The following MYO15A variants were observed in gnomAD, a reference collection of about 807,000 sequenced individuals.
The protein encoded by MYO15A is myosin XVA, also known as unconventional myosin-XV.
Under a neutral mutation model 394.6 loss-of-function variants are expected in MYO15A, and 308 were observed. That is an observed-to-expected ratio of 0.78 (90% CI 0.71 to 0.86). The LOEUF (loss-of-function observed/expected upper bound fraction) is 0.86, where lower values mean the gene tolerates loss of function less well. Among genes scored for constraint, MYO15A ranks in the 40% least tolerant of loss-of-function variants. MYO15A has a pLI of 0.00. For missense variants in MYO15A, 4,606 were observed against 4,799.1 expected, an observed-to-expected ratio of 0.96 and a Z score of 1.19; for synonymous variants, 1,957 against 2,003.8, an observed-to-expected ratio of 0.98 and a Z score of 0.62.
At chr17:18,110,137 C>G (rs2045703919) in intron 1 of MYO15A, 1 of 152,606 alleles carries the variant, frequency 6.6e-6, no homozygotes, top group Admixed American at 6.5e-5. Context: ...CTCCCCGCAC[C>G]CCCCAGCTGC....
Position 18,143,894 on chromosome 17 carries a change from A to G in MYO15A, c.6071A>G (p.Gln2024Arg), listed in dbSNP as rs754423127. The G allele has an allele frequency of 1.9e-5, 31 of 1,591,232 alleles. No homozygotes were observed. Among genetic ancestry groups the G allele is most frequent in the Non-Finnish European group, 2.2e-5 (26 of 1,167,980 alleles). The change falls in exon 28 of 66, where the codon CAG (glutamine) becomes CGG (arginine). Residue 2024 changes from glutamine to arginine, a missense_variant. Gln to Arg is a conservative substitution (Grantham distance 43, BLOSUM62 1). Coordinates refer to ENST00000647165, the MANE Select transcript of MYO15A (RefSeq NM_016239.4). ...VAGLGLAQVP[Q>R]VAPVRTPRLQ... Reference sequence around the variant, plus strand: ...GGCCTCGGGCTGGCCCAGGTGCCTCAGGTGGCCCCTGTGAGGACTCCTCGA... The same window carrying G: ...GGCCTCGGGCTGGCCCAGGTGCCTCGGGTGGCCCCTGTGAGGACTCCTCGA...
intron 2 of MYO15A, 155 bp downstream of exon 2, chr17:18,122,564 C>A: frequency 8.6e-7 from 1 of 1,159,012 alleles, no homozygotes; most frequent in Non-Finnish European, 1.2e-6. Context: ...CAGCCTGGAC[C>A]TCCCAGAACC....
chr17:18,127,041 G>A, intron 6 of MYO15A, 34 bp from the exon 7 acceptor site: 2 of 1,613,488 alleles, frequency 1.2e-6, no homozygotes, highest in South Asian at 2.2e-5. Flanking sequence ...GGCAGCGAAA[G>A]GTTGGAGCTC....
At chr17:18,128,275 G>A (rs1260686477) in intron 7 of MYO15A, among the ~76,000 whole-genome samples, 1 of 152,164 alleles carries the variant, frequency 6.6e-6, no homozygotes, top group Admixed American at 6.5e-5. Flanking sequence ...GAGATGGCAG[G>A]GAGGTGATGG....
Position 18,132,069 on chromosome 17 carries a change from C to T in MYO15A, c.4207-384C>T, listed in dbSNP as rs938821492. 2.0e-5 allele frequency among the ~76,000 whole-genome samples: 3 copies of T among 152,206 alleles called. No individual in the cohort carries two copies. Among genetic ancestry groups the T allele is most frequent in the Non-Finnish European group, 4.4e-5 (3 of 68,040 alleles). ...GTTGTTCCCCACTATGTCCCAAGGG[C>T]CTAGGACAGGGCTTGGTGCACAGGA... On this transcript the variant is annotated intron_variant, in intron 10 of 65. Transcript: ENST00000647165. The surrounding 1 kb of genome is among the most constrained non-coding windows in gnomAD (Gnocchi z 4.6).
At chr17:18,141,515 A>T (rs2046380144) in intron 22 of MYO15A, 138 bp from the exon 23 acceptor site, 2 of 849,470 alleles carry the variant, frequency 2.4e-6, no homozygotes, top group Non-Finnish European at 4.0e-6. Context: ...GCCTTTTTTC[A>T]GATTAGAATA....
At chr17:18,158,762 GGT>G in intron 52 of MYO15A, 124 bp downstream of exon 52, 1 of 1,394,008 alleles carries the variant, frequency 7.2e-7, no homozygotes, top group Non-Finnish European at 1.0e-6. Context: ...AGACCACCCA[GGT>G]GTGAGGCTCA....
chr17:18,126,468 G>A lies in MYO15A; in HGVS notation c.3866+12G>A, dbSNP rs533500962. ...GGAGAGAATCCCCCGTGAGTGTCTC[G>A]GGGGCGCTGCCCTGGGGTCTCTTGG... is the stretch of plus-strand genomic sequence containing the variant. On this transcript the variant is annotated intron_variant, in intron 5 of 65. Coordinates refer to ENST00000647165, the MANE Select transcript of MYO15A (RefSeq NM_016239.4). 6.9e-5 allele frequency: 112 copies of A among 1,611,652 alleles called. 1 individual carries two copies. The highest frequency in any genetic ancestry group is 1.2e-4 in the Admixed American group (7 of 59,964).
At position 18,140,792 on chromosome 17, in the gene MYO15A, A is replaced by G; in HGVS notation, c.5366A>G (p.Asn1789Ser). 3 of 1,614,068 alleles carry G rather than the reference A, an allele frequency of 1.9e-6. No individual in the cohort carries two copies. Among genetic ancestry groups the G allele is most frequent in the Non-Finnish European group, 2.5e-6 (3 of 1,180,004 alleles). ...CCTCTTCCTGCCACTGCCAGGTGCA[A>G]CCCCTTGTTCATGCGTTGCCTGAAG... is the stretch of plus-strand genomic sequence containing the variant. The part of the protein sequence containing the change: ...LDLVEKMERC[N>S]PLFMRCLKPN... Residue 1789 changes from asparagine (N) to serine (S), a missense_variant, in exon 21 of 66, where the codon AAC becomes AGC. Physicochemically the swap from Asn to Ser is conservative, Grantham distance 46. Coordinates refer to ENST00000647165, the MANE Select transcript of MYO15A (RefSeq NM_016239.4).
At chr17:18,178,526 CG>C (rs887972411) in intron 65 of MYO15A, among the ~76,000 whole-genome samples, 14 of 152,206 alleles carry the variant, frequency 9.2e-5, no homozygotes, top group Non-Finnish European at 1.3e-4. Flanking sequence ...ACAGCTCACA[CG>C]GAGCAAAGCC....
In MYO15A at chr17:18,159,366, A is replaced by G. The variant is rs540808631; in HGVS notation, c.9229+19A>G. ...TTCCTAGGTGTGGGAGTGGGACTGC[A>G]GCCAGGGCTCTGGGCTAGGTGGGAT... On this transcript the variant is annotated intron_variant, in intron 54 of 65. Coordinates refer to ENST00000647165, the MANE Select transcript of MYO15A (RefSeq NM_016239.4). 1.9e-5 allele frequency: 31 copies of G among 1,613,988 alleles called. No individual in the cohort carries two copies. In the East Asian group the frequency reaches 6.7e-4, roughly 35 times the overall value.
chr17:18,133,832 A>G (rs950992130), intron 12 of MYO15A, among the ~76,000 whole-genome samples: 9 of 151,992 alleles, frequency 5.9e-5, no homozygotes, highest in Admixed American at 5.9e-4. Context: ...TAATTTTTGT[A>G]TTTTTAGTAG....
intron 54 of MYO15A, 92 bp downstream of exon 54, chr17:18,159,439 G>A (rs758453013): frequency 2.4e-5 from 37 of 1,524,250 alleles, no homozygotes; most frequent in Non-Finnish European, 3.1e-5. Flanking sequence ...CTGATCTTCA[G>A]ATTCTTTCCC....
At position 18,119,924 on chromosome 17, in the gene MYO15A, A is replaced by C; in HGVS notation, c.1124A>C (p.His375Pro). 1 of 1,613,522 alleles carries C rather than the reference A, an allele frequency of 6.2e-7. No individual in the cohort carries two copies. The change falls in exon 2 of 66, where the codon CAC becomes CCC. Residue 375 changes from histidine to proline, a missense_variant. Coordinates refer to ENST00000647165, the MANE Select transcript of MYO15A (RefSeq NM_016239.4). The part of the protein sequence containing the change: ...DVPYFDPYGV[H>P]YTVPYAEGVY... ...CCCTACTTTGATCCCTACGGAGTCC[A>C]CTACACCGTCCCCTATGCCGAAGGC...
chr17:18,136,888 G>C (rs2046288533), intron 15 of MYO15A, among the ~76,000 whole-genome samples: 1 of 152,264 alleles, frequency 6.6e-6, no homozygotes, highest in Admixed American at 6.5e-5. Context: ...CTCTGGGCCA[G>C]GCCCTGTGCT....
At chr17:18,163,413 A>G (rs777423337) in intron 59 of MYO15A, 92 bp downstream of exon 59, 65 of 1,312,990 alleles carry the variant, frequency 5.0e-5, no homozygotes, top group African/African-American at 7.2e-5. Context: ...TAAGCCCCCA[A>G]TGATGCTGAG....
intron 7 of MYO15A, among the ~76,000 whole-genome samples, chr17:18,129,437 C>T (rs1431224895): frequency 6.6e-6 from 1 of 152,206 alleles, no homozygotes; most frequent in Non-Finnish European, 1.5e-5. Flanking sequence ...CAGCCCCATC[C>T]CTCTCTGGAC....
chr17:18,156,089 G>A, intron 47 of MYO15A, 106 bp from the exon 48 acceptor site: 1 of 1,571,358 alleles, frequency 6.4e-7, no homozygotes, highest in Admixed American at 1.7e-5. Context: ...TGGGGCCAAG[G>A]TGGGGCTGGG....
intron 1 of MYO15A, chr17:18,110,180 C>CCTCA (rs1472012702): frequency 6.6e-6 from 1 of 152,546 alleles, no homozygotes; most frequent in Non-Finnish European, 1.5e-5. Context: ...TTGTCTCCAC[C>CCTCA]CTCATCCCAG....
Sources: gnomAD v4.1 joint callset for allele counts (sites outside exome capture counted in the v4.1 genomes callset) on GRCh38, gnomAD v4.1.1 for gene constraint, Gnocchi (gnomAD v3.1) non-coding constraint, MANE v1.5 for transcripts, NCBI Gene and HGNC (gene_info 2026-07-23, HGNC 2026-07-21) for gene names.